Variants in EMID1 observed in about 807,000 individuals in gnomAD.
The protein encoded by EMID1 is EMI domain-containing protein 1.
Under a neutral mutation model 60.6 loss-of-function variants are expected in EMID1, and 40 were observed. That is an observed-to-expected ratio of 0.66 (90% CI 0.51 to 0.86). The LOEUF is 0.86. EMID1 is among the 40% of genes least tolerant of loss of function. The probability of loss-of-function intolerance (pLI) is 0.00; values close to 1 mark genes in which losing one functional copy is unlikely to be tolerated. For missense variants in EMID1, 585 were observed against 597.1 expected (o/e 0.98, Z 0.21); for synonymous variants, 242 against 231.0 (o/e 1.05, Z -0.43).
chr22:29,223,572 T>C (rs2040384384), intron 3 of EMID1, among the ~76,000 whole-genome samples: 1 of 152,168 alleles, frequency 6.6e-6, no homozygotes, highest in Non-Finnish European at 1.5e-5. Context: ...AAAAAAGAAA[T>C]CTGGCCCTGG....
chr22:29,255,239 C>A, intron 14 of EMID1: 1 of 1,216,100 alleles, frequency 8.2e-7, no homozygotes, highest in Non-Finnish European at 1.1e-6. Context: ...AGGCCAGACT[C>A]GCACCGTCTG....
intron 13 of EMID1, among the ~76,000 whole-genome samples, chr22:29,249,908 C>T (rs2041463925): frequency 6.6e-6 from 1 of 152,178 alleles, no homozygotes; most frequent in Admixed American, 6.5e-5. Context: ...AGCCACCACG[C>T]CTGGCCCCCA....
intron 3 of EMID1, among the ~76,000 whole-genome samples, chr22:29,219,712 T>G (rs1455176526): frequency 6.6e-6 from 1 of 151,812 alleles, no homozygotes; most frequent in Non-Finnish European, 1.5e-5. Flanking sequence ...AGCCCAGGAG[T>G]TCAAGTCTGC....
At chr22:29,221,443 C>T (rs1258145852) in intron 3 of EMID1, among the ~76,000 whole-genome samples, 6 of 152,124 alleles carry the variant, frequency 3.9e-5, no homozygotes, top group African/African-American at 1.2e-4. Flanking sequence ...GGCGCGATCT[C>T]GGCTCACTGC....
intron 14 of EMID1, chr22:29,255,557 C>T (rs776926784): frequency 9.1e-6 from 4 of 438,964 alleles, no homozygotes; most frequent in Non-Finnish European, 1.2e-5. Context: ...CTGCTCTGTG[C>T]CAGGCACCTT....
Position 29,238,850 on chromosome 22 carries a change from A to C in EMID1, c.1074+4501A>C, listed in dbSNP as rs991509341. The stretch of plus-strand genomic sequence containing the variant: ...TGGGATTACAGGTGTGAGCCACTGC[A>C]CCCAGCCTGATTTTCTGAAATTTGG... On this transcript the variant is annotated intron_variant, in intron 12 of 14. Transcript: ENST00000334018. Among the ~76,000 whole-genome samples, 16 of 140,884 alleles carry C rather than the reference A, an allele frequency of 1.1e-4. 1 individual carries two copies. The highest frequency in any genetic ancestry group is 7.7e-4 in the Admixed American group (11 of 14,366). 92.4% of individuals were successfully genotyped at this position (140,884 alleles called of 152,430 possible).
chr22:29,232,092 G>C (rs1297679617), intron 7 of EMID1, 164 bp from the exon 8 acceptor site: 7 of 708,054 alleles, frequency 9.9e-6, no homozygotes, highest in Non-Finnish European at 1.7e-5. Flanking sequence ...GGAGAACTAG[G>C]TGCTGTGCTC....
At chr22:29,221,877 A>G (rs2040312252) in intron 3 of EMID1, among the ~76,000 whole-genome samples, 1 of 152,160 alleles carries the variant, frequency 6.6e-6, no homozygotes, top group African/African-American at 2.4e-5. Context: ...TCTTTTGAAC[A>G]GTTTTGTTAT....
intron 13 of EMID1, among the ~76,000 whole-genome samples, chr22:29,246,863 G>A (rs532248834): frequency 6.6e-6 from 1 of 152,280 alleles, no homozygotes; most frequent in South Asian, 2.1e-4. Context: ...ATGTGTCCCA[G>A]GCTGGTCTCA....
intron 12 of EMID1, among the ~76,000 whole-genome samples, chr22:29,235,730 C>G (rs2040923080): frequency 7.3e-6 from 1 of 137,404 alleles, no homozygotes; most frequent in Non-Finnish European, 1.6e-5. Context: ...AAAATCTTCT[C>G]TTTCTAAAAT....
At chr22:29,213,838 TGAG>T (rs1420181494) in intron 1 of EMID1, among the ~76,000 whole-genome samples, 3 of 152,066 alleles carry the variant, frequency 2.0e-5, no homozygotes, top group African/African-American at 4.8e-5. Flanking sequence ...CTCAAGGAGA[TGAG>T]GAGAAGACGG....
chr22:29,216,542 C>T, intron 3 of EMID1: 1 of 985,484 alleles, frequency 1.0e-6, no homozygotes, highest in Non-Finnish European at 1.2e-6. Flanking sequence ...GAACATCAGT[C>T]TCAGGATATA....
intron 13 of EMID1, among the ~76,000 whole-genome samples, chr22:29,249,068 G>A (rs775402023): frequency 2.5e-4 from 38 of 151,952 alleles, no homozygotes; most frequent in African/African-American, 8.5e-4. Flanking sequence ...ACCCAGCCAC[G>A]TTTCCCCTAA....
chr22:29,232,089 T>C, intron 7 of EMID1, 167 bp from the exon 8 acceptor site: 1 of 688,930 alleles, frequency 1.5e-6, no homozygotes, highest in East Asian at 2.7e-5. Context: ...GGTGGAGAAC[T>C]AGGTGCTGTG....
chr22:29,244,746 G>A (rs1442829899), intron 13 of EMID1, among the ~76,000 whole-genome samples: 3 of 133,072 alleles, frequency 2.3e-5, no homozygotes, highest in Non-Finnish European at 5.4e-5. Context: ...TCACCCAAGA[G>A]ACGTGGGGGA....
At position 29,226,567 on chromosome 22, in the gene EMID1, C is replaced by A; in HGVS notation, c.465+16C>A. ...GGAGGCCAAGGTGGGTGAGCAGCTC[C>A]CTCCTGGGTGGTTGTTCCCTGCCAC... is the stretch of plus-strand genomic sequence containing the variant. On this transcript the variant is annotated intron_variant, in intron 5 of 14. Coordinates refer to ENST00000334018, the MANE Select transcript of EMID1 (RefSeq NM_133455.4). 1 of 1,607,934 alleles carries A rather than the reference C, an allele frequency of 6.2e-7. No homozygotes were observed. The highest frequency in any genetic ancestry group is 1.1e-5 in the South Asian group (1 of 90,310).
rs113303098 is a variant in EMID1, at chr22:29,233,585, G to A, written c.914-29G>A. 6.2e-4 allele frequency: 1,002 copies of A among 1,612,130 alleles called. 7 individuals carry two copies. The African/African-American group carries it at 0.011, about 18-fold the overall frequency. On this transcript the variant is annotated intron_variant, in intron 9 of 14. Coordinates refer to ENST00000334018, the MANE Select transcript of EMID1 (RefSeq NM_133455.4). The stretch of plus-strand genomic sequence containing the variant: ...ACTTCCTGAGATTGTACTTTGTTCC[G>A]GCCCTTAGGACATCCTGTCTTTTTC...
At chr22:29,251,484 G>C (rs935920595) in intron 13 of EMID1, among the ~76,000 whole-genome samples, 3 of 151,034 alleles carry the variant, frequency 2.0e-5, no homozygotes, top group Admixed American at 6.6e-5. Context: ...TTACAGGTGT[G>C]AGCCACCATG....
chr22:29,206,013 C>A lies in EMID1; in HGVS notation c.-26C>A. 8.3e-7 allele frequency: 1 copy of A among 1,204,610 alleles called. No individual in the cohort carries two copies. The highest frequency in any genetic ancestry group is 4.2e-5 in the South Asian group (1 of 24,064). The allele number at this position is 1,204,610 out of a possible 1,614,324, so 74.6% of individuals were successfully genotyped here. A position where few individuals can be genotyped will look rare whatever the true frequency, so the allele number is the denominator to read the frequency against. On this transcript the variant is annotated 5_prime_UTR_variant, in exon 1 of 15. Transcript: ENST00000334018. ...GCTGGGGGCGGCGACCGCGAGGGGC[C>A]GCGCGCGGAGGGCGCCTGGTGCAGC...
Sources: gnomAD v4.1 joint callset for allele counts (sites outside exome capture counted in the v4.1 genomes callset) on GRCh38, gnomAD v4.1.1 for gene constraint, MANE v1.5 for transcripts, NCBI Gene and HGNC (gene_info 2026-07-23, HGNC 2026-07-21) for gene names.